Variants in STK11IP observed in about 807,000 individuals in gnomAD.
STK11IP encodes serine/threonine kinase 11 interacting protein, also known as serine/threonine-protein kinase 11-interacting protein.
STK11IP carries 103 observed loss-of-function variants against 131.7 expected under a neutral mutation model. The ratio of observed to expected loss-of-function variants is 0.78; its 90% CI spans 0.67 to 0.92. The LOEUF (loss-of-function observed/expected upper bound fraction) is 0.92. STK11IP is among the 40% of genes least tolerant of loss of function. The probability of loss-of-function intolerance (pLI) is 0.00; values close to 1 mark genes in which losing one functional copy is unlikely to be tolerated. For missense variants in STK11IP, 1,315 were observed against 1,385.7 expected (o/e 0.95, Z 0.81); for synonymous variants, 557 against 575.6 (o/e 0.97, Z 0.46).
intron 23 of STK11IP, 56 bp from the exon 24 acceptor site, chr2:219,615,038 C>T: frequency 6.4e-7 from 1 of 1,565,712 alleles, no homozygotes; most frequent in Middle Eastern, 1.7e-4. Context: ...GGACGCTGGC[C>T]CCAGGGATCT....
chr2:219,614,227 C>A lies in STK11IP; in HGVS notation c.2783C>A (p.Pro928His), dbSNP rs1315800258. Residue 928 changes from proline to histidine, a missense_variant, in exon 22 of 25, where the codon CCC becomes CAC. Coordinates refer to ENST00000456909, the MANE Select transcript of STK11IP (RefSeq NM_052902.4). ...AGTGCCACAGAGGAGGAGGTCACCCCCCAGCACCGGCTCTGGTGAGTCGAT... is the reference window on the plus strand; with the variant it reads ...AGTGCCACAGAGGAGGAGGTCACCCACCAGCACCGGCTCTGGTGAGTCGAT... ...CVSATEEEVTPQHRLWPLLEK... is the reference protein window; with the variant it reads ...CVSATEEEVTHQHRLWPLLEK... The A allele has an allele frequency of 1.2e-6, 2 of 1,613,426 alleles. No individual in the cohort carries two copies. The highest frequency in any genetic ancestry group is 4.5e-5 in the East Asian group (2 of 44,888).
chr2:219,609,531 C>T lies in STK11IP; in HGVS notation c.2095C>T (p.Gln699Ter). The T allele has an allele frequency of 6.4e-7, 1 of 1,565,708 alleles. No individual in the cohort carries two copies. Among genetic ancestry groups the T allele is most frequent in the Non-Finnish European group, 8.7e-7 (1 of 1,154,634 alleles). Residue 699 changes from glutamine to a stop codon, truncating the protein, a stop_gained, in exon 17 of 25, where the codon CAA (glutamine) becomes TAA (stop). Transcript: ENST00000456909. LOFTEE classifies it high-confidence loss of function. ...TGAGGAAGGCTGGAGGCCTCTGTTCCAAAAGACAGGTACAAGTCCTGCCCT... is the reference window on the plus strand; with the variant it reads ...TGAGGAAGGCTGGAGGCCTCTGTTCTAAAAGACAGGTACAAGTCCTGCCCT... ...DSEEGWRPLF[Q>*]KTESPAVCPN...
At position 219,609,464 on chromosome 2, in the gene STK11IP, C is replaced by A. The variant is rs768309422; in HGVS notation, c.2028C>A (p.Gly676=). 6 of 1,609,620 alleles carry A rather than the reference C, an allele frequency of 3.7e-6. No individual in the cohort carries two copies. The highest frequency in any genetic ancestry group is 1.7e-5 in the Admixed American group (1 of 59,344). ...LLGRFQCLRC[G]HEFKPEEPRM... is the part of the protein sequence containing the mutation. ...GTAGATTCCAGTGTCTACGCTGTGG[C>A]CATGAGTTCAAGCCAGAGGAGCCCA... Residue 676 remains glycine, a synonymous_variant, in exon 17 of 25, where the codon GGC becomes GGA. Transcript: ENST00000456909.
Position 219,613,913 on chromosome 2 carries a change from T to A in STK11IP, c.2699T>A (p.Phe900Tyr). 1.5e-6 allele frequency: 2 copies of A among 1,370,194 alleles called. No homozygotes were observed. Among genetic ancestry groups the A allele is most frequent in the Non-Finnish European group, 1.9e-6 (2 of 1,028,416 alleles). The allele number at this position is 1,370,194 out of a possible 1,614,324, so 84.9% of individuals were successfully genotyped here. ...LPRDARHCRAFLEELLDVLQS... is the reference protein window; with the variant it reads ...LPRDARHCRAYLEELLDVLQS... ...CGAGATGCCAGGCATTGCCGGGCCT[T>A]CCTAGAGGAGCTCCTTGGTGAGAGA... Residue 900 changes from phenylalanine (F) to tyrosine (Y), a missense_variant, in exon 21 of 25, where the codon TTC becomes TAC. Phe to Tyr is a conservative substitution (Grantham distance 22). Coordinates refer to ENST00000456909, the MANE Select transcript of STK11IP (RefSeq NM_052902.4).
Position 219,609,170 on chromosome 2 carries a change from G to A in STK11IP, c.1883G>A (p.Arg628His), listed in dbSNP as rs370479546. ...FSYICPDRQL[R>H]RYLVLEPDAH... ...TACATCTGCCCTGACCGGCAGTTGC[G>A]TCGCTATTTGGTGCTGGAGCCTGAT... Residue 628 changes from arginine (R) to histidine (H), a missense_variant, in exon 16 of 25, where the codon CGT (arginine) becomes CAT (histidine). Physicochemically the swap from Arg to His is conservative, Grantham distance 29. Transcript: ENST00000456909. 80 of 1,609,950 alleles carry A rather than the reference G, an allele frequency of 5.0e-5. No homozygotes were observed. Among genetic ancestry groups the A allele is most frequent in the Middle Eastern group, 3.3e-4 (2 of 6,080 alleles).
At chr2:219,600,902 CAA>C (rs1165511864) in intron 2 of STK11IP, among the ~76,000 whole-genome samples, 3 of 152,172 alleles carry the variant, frequency 2.0e-5, no homozygotes, top group Non-Finnish European at 4.4e-5. Flanking sequence ...TGTCTCATAA[CAA>C]GAGAGAACTG....
chr2:219,614,265 C>G lies in STK11IP; in HGVS notation c.2798+23C>G, dbSNP rs376016426. On this transcript the variant is annotated intron_variant, in intron 22 of 24. Coordinates refer to ENST00000456909, the MANE Select transcript of STK11IP (RefSeq NM_052902.4). ...CTGGTGAGTCGATAGGAGGCAGAGGCTGGGGTTGCTGCCCAATCCTCTTTC... is the reference window on the plus strand; with the variant it reads ...CTGGTGAGTCGATAGGAGGCAGAGGGTGGGGTTGCTGCCCAATCCTCTTTC... The G allele has an allele frequency of 3.0e-5, 48 of 1,611,506 alleles. No homozygotes were observed. In the African/African-American group the frequency reaches 4.8e-4, roughly 16 times the overall value.
At position 219,614,981 on chromosome 2, in the gene STK11IP, G is replaced by T. The variant is rs1698526320; in HGVS notation, c.2870-113G>T. 7 of 1,313,106 alleles carry T rather than the reference G, an allele frequency of 5.3e-6. No individual in the cohort carries two copies. In the South Asian group the frequency reaches 1.1e-4, roughly 20 times the overall value. 81.3% of individuals were successfully genotyped at this position (1,313,106 alleles called of 1,614,324 possible). Reference sequence around the variant, plus strand: ...GCCCCAGGGGCACAGGCTGCTTTGTGACCCACCTCAGAGTGTGGTTCACAC... The same window carrying T: ...GCCCCAGGGGCACAGGCTGCTTTGTTACCCACCTCAGAGTGTGGTTCACAC... On this transcript the variant is annotated intron_variant, in intron 23 of 24. Coordinates refer to ENST00000456909, the MANE Select transcript of STK11IP (RefSeq NM_052902.4).
Position 219,613,844 on chromosome 2 carries a change from G to T in STK11IP, c.2630G>T (p.Arg877Leu), listed in dbSNP as rs866654375. Residue 877 changes from arginine to leucine, a missense_variant, in exon 21 of 25, where the codon CGG becomes CTG. Arg to Leu is a moderately radical substitution (Grantham distance 102). Coordinates refer to ENST00000456909, the MANE Select transcript of STK11IP (RefSeq NM_052902.4). ...CTGGGCCTGGCAGGCCAGAGCCTGC[G>T]GCTAGAGTGGGCAGCTGGGGCGGGC... ...IELGLAGQSL[R>L]LEWAAGAGRC... The T allele has an allele frequency of 6.2e-7, 1 of 1,612,216 alleles. No individual in the cohort carries two copies.
Position 219,616,160 on chromosome 2 carries a change from A to G in STK11IP, c.3234A>G (p.Thr1078=), listed in dbSNP as rs752400658. Residue 1078 remains threonine (T), a synonymous_variant, in exon 25 of 25, where the codon ACA becomes ACG. Transcript: ENST00000456909. ...AGCTGTTTTCCATCGGACTCCGGAC[A>G]GTGATCCAAGAGGCGCTGGCCCTTG... ...WEELFSIGLR[T]VIQEALALDR 9 of 1,613,600 alleles carry G rather than the reference A, an allele frequency of 5.6e-6. 1 individual carries two copies. The East Asian group carries it at 6.7e-5, about 12-fold the overall frequency.
At position 219,608,450 on chromosome 2, in the gene STK11IP, G is replaced by A; in HGVS notation, c.1603+20G>A. ...TGGAAGGTGAGCCCTTTGTGGGCTG[G>A]GGCGAGCTGAGGCCAGGGGCCCTTG... On this transcript the variant is annotated intron_variant, in intron 14 of 24. Transcript: ENST00000456909. The A allele has an allele frequency of 1.3e-6, 2 of 1,540,470 alleles. No homozygotes were observed. The highest frequency in any genetic ancestry group is 1.8e-6 in the Non-Finnish European group (2 of 1,142,206).
intron 7 of STK11IP, among the ~76,000 whole-genome samples, chr2:219,603,915 T>C (rs1157829246): frequency 6.6e-6 from 1 of 152,148 alleles, no homozygotes; most frequent in Non-Finnish European, 1.5e-5. Flanking sequence ...CAGAGGTGGC[T>C]GGGCATTTTA....
intron 17 of STK11IP, among the ~76,000 whole-genome samples, 160 bp from the exon 18 acceptor site, chr2:219,611,444 C>A (rs528773619): frequency 6.6e-6 from 1 of 151,980 alleles, no homozygotes; most frequent in Non-Finnish European, 1.5e-5. Context: ...GCAGCTGTGC[C>A]GGGAGAGGGA....
At chr2:219,614,427 C>T in intron 22 of STK11IP, 49 bp from the exon 23 acceptor site, 1 of 1,598,662 alleles carries the variant, frequency 6.3e-7, no homozygotes, top group Non-Finnish European at 8.6e-7. Flanking sequence ...CTCTTCAAGT[C>T]CTTCCCACCC....
In STK11IP at chr2:219,602,025, G is replaced by A. The variant is rs760028020; in HGVS notation, c.380G>A (p.Arg127Gln). The change falls in exon 5 of 25, where the codon CGA becomes CAA. Residue 127 changes from arginine to glutamine, a missense_variant. Arg to Gln is a conservative substitution (Grantham distance 43, BLOSUM62 1). Transcript: ENST00000456909. ...CCCCTCCACTGTCTGCATGGCCTCC[G>A]AGGCATCTACTCCCAGCTGGAGACC... ...GVPLHCLHGLRGIYSQLETLI... is the reference protein window; with the variant it reads ...GVPLHCLHGLQGIYSQLETLI... 1.6e-5 allele frequency: 25 copies of A among 1,611,674 alleles called. No individual in the cohort carries two copies. The South Asian group carries it at 2.0e-4, about 13-fold the overall frequency.
rs1334715620 is a variant in STK11IP, at chr2:219,601,325, C to A, written c.152C>A (p.Pro51Gln). 2.5e-6 allele frequency: 4 copies of A among 1,613,954 alleles called. No individual in the cohort carries two copies. Among genetic ancestry groups the A allele is most frequent in the Non-Finnish European group, 3.4e-6 (4 of 1,179,912 alleles). The change falls in exon 3 of 25, where the codon CCA becomes CAA. Residue 51 changes from proline (P) to glutamine (Q), a missense_variant. Transcript: ENST00000456909. ...CACGTATTTGAGCTGCACCTGGGGC[C>A]ATGGGGCCCTGGCCAGACAGGCTTT... ...LNHVFELHLG[P>Q]WGPGQTGFVA...
chr2:219,598,454 A>G, intron 2 of STK11IP: 1 of 390,190 alleles, frequency 2.6e-6, no homozygotes, highest in East Asian at 4.3e-5. Context: ...TTACCTGACT[A>G]AAAGCCCCTC....
At chr2:219,612,745 C>A (rs867754580) in intron 19 of STK11IP, among the ~76,000 whole-genome samples, 1 of 152,194 alleles carries the variant, frequency 6.6e-6, no homozygotes, top group Admixed American at 6.5e-5. Context: ...GGGGGGCCGG[C>A]AGGGGCCAGG....
At chr2:219,610,358 C>T (rs533877993) in intron 17 of STK11IP, among the ~76,000 whole-genome samples, 1 of 152,070 alleles carries the variant, frequency 6.6e-6, no homozygotes, top group Non-Finnish European at 1.5e-5. Flanking sequence ...TCCATGGTGG[C>T]GTTATTAATG....
Sources: allele counts gnomAD v4.1 joint callset (sites outside exome capture counted in the v4.1 genomes callset), GRCh38; gene constraint gnomAD v4.1.1; transcripts MANE v1.5; gene names NCBI Gene and HGNC (gene_info 2026-07-23, HGNC 2026-07-21).